The following MAP2K1 variants were observed in gnomAD, a reference collection of about 807,000 sequenced individuals.
MAP2K1 encodes dual specificity mitogen-activated protein kinase kinase 1.
Under a neutral mutation model 46.3 loss-of-function variants are expected in MAP2K1, and 16 were observed. The ratio of observed to expected loss-of-function variants is 0.35; its 90% CI spans 0.23 to 0.52. MAP2K1 has a LOEUF of 0.52. Ranked by LOEUF, MAP2K1 falls within the 20% of genes least tolerant of loss-of-function variation. MAP2K1 has a pLI of 0.94. For missense variants in MAP2K1, 263 were observed against 497.1 expected, an observed-to-expected ratio of 0.53 and a Z score of 4.48; for synonymous variants, 183 against 185.6, an observed-to-expected ratio of 0.99 and a Z score of 0.11.
At chr15:66,435,401 G>A (rs559653124) in intron 2 of MAP2K1, among the ~76,000 whole-genome samples, 164 bp downstream of exon 2, 1 of 149,560 alleles carries the variant, frequency 6.7e-6, no homozygotes, top group South Asian at 2.1e-4. Context: ...CCAGGCTGGT[G>A]TGCAACCTCC....
intron 1 of MAP2K1, among the ~76,000 whole-genome samples, chr15:66,404,750 G>A (rs2093391956): frequency 6.6e-6 from 1 of 152,196 alleles, no homozygotes; most frequent in Admixed American, 6.5e-5. Context: ...AATTCCTGAA[G>A]GAGGGTGAGA....
intron 3 of MAP2K1, 54 bp downstream of exon 3, chr15:66,436,946 C>T (rs2093489844): frequency 1.7e-5 from 27 of 1,600,668 alleles, no homozygotes; most frequent in Non-Finnish European, 2.2e-5. Context: ...TTGGGTGGCT[C>T]TGGCCTAATC....
In MAP2K1 at chr15:66,406,905, G is replaced by C. The variant is rs544437925; in HGVS notation, c.80+19478G>C. ...AAATTAGCCGGGCGTGGTGGTGCAT[G>C]CCTATAATCCCAGCTACTTGGGAGG... On this transcript the variant is annotated intron_variant, in intron 1 of 10. Coordinates refer to ENST00000307102, the MANE Select transcript of MAP2K1 (RefSeq NM_002755.4). Among the ~76,000 whole-genome samples the C allele has an allele frequency of 8.2e-4, 125 of 152,166 alleles. 1 individual carries two copies. Among genetic ancestry groups the C allele is most frequent in the African/African-American group, 2.9e-3 (120 of 41,510 alleles).
At chr15:66,438,793 G>C (rs943791993) in intron 3 of MAP2K1, among the ~76,000 whole-genome samples, 1 of 152,198 alleles carries the variant, frequency 6.6e-6, no homozygotes, top group Non-Finnish European at 1.5e-5. Context: ...CTGTTAGGTG[G>C]TATGTGTTGA....
intron 1 of MAP2K1, among the ~76,000 whole-genome samples, chr15:66,418,962 T>C (rs1337087099): frequency 1.1e-4 from 16 of 147,612 alleles, no homozygotes; most frequent in Admixed American, 8.1e-4. Context: ...TTTTTTTTTT[T>C]TTTTTCCTTT....
Position 66,387,031 on chromosome 15 carries a change from A to G in MAP2K1, c.-317A>G. The stretch of plus-strand genomic sequence containing the variant: ...CGGCTGTGCCGCCCGAGCCGGAGGG[A>G]CTGGTTGGTTGAGAGAGAGAGAGGA... On this transcript the variant is annotated 5_prime_UTR_variant, in exon 1 of 11. Coordinates refer to ENST00000307102, the MANE Select transcript of MAP2K1 (RefSeq NM_002755.4). The G allele has an allele frequency of 3.1e-6, 1 of 317,712 alleles. No homozygotes were observed. The allele number at this position is 317,712 out of a possible 1,614,324, so 19.7% of individuals were successfully genotyped here. A position where few individuals can be genotyped will look rare whatever the true frequency, so the allele number is the denominator to read the frequency against.
At chr15:66,387,794 A>G (rs2093345815) in intron 1 of MAP2K1, among the ~76,000 whole-genome samples, 1 of 152,166 alleles carries the variant, frequency 6.6e-6, no homozygotes, top group African/African-American at 2.4e-5. Context: ...AGAGGAGGCT[A>G]ATGTTTTGGA....
At chr15:66,442,487 T>A (rs926580330) in intron 3 of MAP2K1, among the ~76,000 whole-genome samples, 7 of 152,198 alleles carry the variant, frequency 4.6e-5, no homozygotes, top group Non-Finnish European at 1.0e-4. Flanking sequence ...ATCTTTTAAG[T>A]GAAGTCAGAA....
Position 66,452,944 on chromosome 15 carries a change from C to G in MAP2K1, c.568+8237C>G, listed in dbSNP as rs1396942976. The stretch of plus-strand genomic sequence containing the variant: ...TGTCTAATTGCTGTGTATATATCTT[C>G]AGTCCTGAAGATGATAGTAGAAAAC... On this transcript the variant is annotated intron_variant, in intron 5 of 10. Transcript: ENST00000307102. Among the ~76,000 whole-genome samples the G allele has an allele frequency of 2.0e-5, 3 of 152,146 alleles. No homozygotes were observed. In the South Asian group the frequency reaches 6.2e-4, roughly 32 times the overall value.
chr15:66,392,299 A>G (rs1206710842), intron 1 of MAP2K1, among the ~76,000 whole-genome samples: 1 of 101,950 alleles, frequency 9.8e-6, no homozygotes, highest in Non-Finnish European at 1.8e-5. Flanking sequence ...TTTCGCTCCC[A>G]CTGCCCAGGC....
chr15:66,469,639 A>T (rs1215070486), intron 5 of MAP2K1, among the ~76,000 whole-genome samples: 1 of 149,716 alleles, frequency 6.7e-6, no homozygotes, highest in Admixed American at 6.7e-5. Flanking sequence ...TCTCAAAAAA[A>T]GACAGGGTCC....
intron 1 of MAP2K1, among the ~76,000 whole-genome samples, chr15:66,429,674 C>A (rs79503353): frequency 2.5e-5 from 1 of 40,092 alleles, no homozygotes; most frequent in African/African-American, 9.0e-5. Context: ...GCCCCCCCCC[C>A]CCCCGTCCCC....
In MAP2K1 at chr15:66,487,236, A is replaced by G. The variant is rs1023593707; in HGVS notation, c.904A>G (p.Met302Val). 2 of 1,614,034 alleles carry G rather than the reference A, an allele frequency of 1.2e-6. No homozygotes were observed. Among genetic ancestry groups the G allele is most frequent in the Non-Finnish European group, 1.7e-6 (2 of 1,179,868 alleles). ...TPGRPLSSYG[M>V]DSRPPMAIFE... ...TTTTATAAAATTTGTAGCATACGGA[A>G]TGGACAGCCGACCTCCCATGGCAAT... Residue 302 changes from methionine to valine, a missense_variant, in exon 8 of 11, where the codon ATG becomes GTG. Met to Val is a conservative substitution (Grantham distance 21). This residue lies in a region of MAP2K1 where 118 missense variants were observed against 193.0 expected (regional missense o/e 0.61). Coordinates refer to ENST00000307102, the MANE Select transcript of MAP2K1 (RefSeq NM_002755.4).
chr15:66,402,781 A>G (rs1171337376), intron 1 of MAP2K1, among the ~76,000 whole-genome samples: 2 of 152,120 alleles, frequency 1.3e-5, no homozygotes, highest in Admixed American at 6.6e-5. Flanking sequence ...GATTGAATAT[A>G]TATGCATTTG....
At chr15:66,397,783 T>C (rs1343122834) in intron 1 of MAP2K1, among the ~76,000 whole-genome samples, 1 of 152,078 alleles carries the variant, frequency 6.6e-6, no homozygotes, top group Non-Finnish European at 1.5e-5. Flanking sequence ...TGGAACATTC[T>C]CTAAGACAAC....
chr15:66,444,773 T>C (rs1019899843), intron 5 of MAP2K1, 66 bp downstream of exon 5: 1 of 1,268,850 alleles, frequency 7.9e-7, no homozygotes, highest in African/African-American at 1.5e-5. Flanking sequence ...TGTTGCTTCC[T>C]CTTTTTTCTA....
intron 3 of MAP2K1, among the ~76,000 whole-genome samples, chr15:66,439,211 T>C (rs1221946354): frequency 6.6e-6 from 1 of 152,228 alleles, no homozygotes; most frequent in African/African-American, 2.4e-5. Flanking sequence ...TTCAAAGGTG[T>C]TGTCAGGTAG....
rs1388068295 is a variant in MAP2K1 at position 66,491,259 on chromosome 15, ATATT to A, written c.*650_*653del. On this transcript the variant is annotated 3_prime_UTR_variant, in exon 11 of 11. Transcript: ENST00000307102. ...TCTGTAGACTTCTGGTTGTATTTCT[ATATT>A]TATTTTCAGTATACTGTGTGGGATA... 8.4e-6 allele frequency: 2 copies of A among 237,370 alleles called. No individual in the cohort carries two copies. Among genetic ancestry groups the A allele is most frequent in the African/African-American group, 4.4e-5 (2 of 45,240 alleles). 14.7% of individuals were successfully genotyped at this position (237,370 alleles called of 1,614,324 possible).
intron 1 of MAP2K1, among the ~76,000 whole-genome samples, chr15:66,393,687 CT>C (rs1476283162): frequency 2.6e-5 from 4 of 152,224 alleles, no homozygotes; most frequent in Non-Finnish European, 5.9e-5. Context: ...CCTTAGTTTT[CT>C]TCCAGTGTTC....
Sources: gnomAD v4.1 joint callset for allele counts (sites outside exome capture counted in the v4.1 genomes callset) on GRCh38, gnomAD v4.1.1 for gene constraint, gnomAD v4.1.1 regional missense constraint, MANE v1.5 for transcripts, NCBI Gene and HGNC (gene_info 2026-07-23, HGNC 2026-07-21) for gene names.